SMARCC2: variants seen among roughly 807,000 people sequenced by gnomAD.
SMARCC2 encodes SWI/SNF related BAF chromatin remodeling complex subunit C2.
SMARCC2 carries 15 observed loss-of-function variants against 151.3 expected under a neutral mutation model. The ratio of observed to expected loss-of-function variants is 0.10; its 90% confidence interval spans 0.07 to 0.15. The LOEUF is 0.15. SMARCC2 is among the 10% of genes least tolerant of loss of function. The pLI is 1.00. For synonymous variants in SMARCC2, 590 were observed against 609.5 expected (o/e 0.97, Z 0.47); for missense variants, 1,031 against 1,599.7 (o/e 0.64, Z 6.06).
intron 5 of SMARCC2, 112 bp from the exon 6 acceptor site, chr12:56,184,356 G>C: frequency 1.4e-6 from 1 of 726,216 alleles, no homozygotes; most frequent in East Asian, 2.7e-5. Context: ...ATTAAAGTTA[G>C]TTTGTATTCT....
chr12:56,163,761 T>C lies in SMARCC2; in HGVS notation c.3666A>G (p.Pro1222=), dbSNP rs748104867. 9.3e-6 allele frequency: 14 copies of C among 1,511,686 alleles called. No homozygotes were observed. The highest frequency in any genetic ancestry group is 2.7e-5 in the Admixed American group (1 of 37,420). The allele number at this position is 1,511,686 out of a possible 1,614,324, so 93.6% of individuals were successfully genotyped here. Residue 1222 remains proline, a synonymous_variant, in exon 29 of 29, where the codon CCA becomes CCG. Transcript: ENST00000550164. ...TGGGGTCTGGAGGCAGGGGGGTGCC[T>C]GGGTCTGTGGAGAAAAGGAAGATAA... The part of the protein sequence containing the change: ...LLPSASPLPD[P]GTPLPPDPTA...
intron 12 of SMARCC2, 22 bp from the exon 13 acceptor site, chr12:56,178,869 G>A (rs757069904): frequency 2.3e-5 from 37 of 1,613,722 alleles, no homozygotes; most frequent in Non-Finnish European, 2.9e-5. Flanking sequence ...AAACCAAGAT[G>A]TAAGGCTGGA....
intron 25 of SMARCC2, 32 bp from the exon 26 acceptor site, chr12:56,168,226 T>C: frequency 6.2e-7 from 1 of 1,613,316 alleles, no homozygotes; most frequent in Non-Finnish European, 8.5e-7. Flanking sequence ...AGCACATCAG[T>C]GGGAGGACCC....
chr12:56,181,870 C>G (rs1429983364), intron 8 of SMARCC2, 35 bp from the exon 9 acceptor site: 2 of 1,613,934 alleles, frequency 1.2e-6, no homozygotes, highest in Non-Finnish European at 1.7e-6. Context: ...TGCAGAGAAG[C>G]CTGGAAGCCA....
intron 6 of SMARCC2, 71 bp downstream of exon 6, chr12:56,184,104 A>G: frequency 8.3e-7 from 1 of 1,212,032 alleles, no homozygotes; most frequent in Non-Finnish European, 1.2e-6. Flanking sequence ...CAGGTACTGA[A>G]TGGTGATCTT....
chr12:56,168,409 CTG>C (rs1873253612), intron 25 of SMARCC2, among the ~76,000 whole-genome samples: 1 of 150,770 alleles, frequency 6.6e-6, no homozygotes, highest in Non-Finnish European at 1.5e-5. Flanking sequence ...CAGTCTCACT[CTG>C]TTGCCCAGGC....
At chr12:56,175,017 A>AT (rs954964397) in intron 15 of SMARCC2, among the ~76,000 whole-genome samples, 31 of 148,374 alleles carry the variant, frequency 2.1e-4, no homozygotes, top group South Asian at 4.2e-4. Context: ...ATTTCATACA[A>AT]TTTTTTTTTT....
chr12:56,186,028 G>A, intron 3 of SMARCC2, 127 bp downstream of exon 3: 2 of 721,652 alleles, frequency 2.8e-6, no homozygotes, highest in East Asian at 2.5e-5. Context: ...GACGTAGTAA[G>A]TCAGGTCTAC....
Position 56,186,290 on chromosome 12 carries a change from C to A in SMARCC2, c.232-50G>T, listed in dbSNP as rs768296498. The A allele has an allele frequency of 1.2e-5, 13 of 1,066,120 alleles. No homozygotes were observed. The South Asian group carries it at 1.6e-4, about 13-fold the overall frequency. 66.0% of individuals were successfully genotyped at this position (1,066,120 alleles called of 1,614,324 possible). A position where few individuals can be genotyped will look rare whatever the true frequency, so the allele number is the denominator to read the frequency against. On this transcript the variant is annotated intron_variant, in intron 2 of 28. Transcript: ENST00000550164. ...GCATGTCAAGGTTCCACTGTAAATT[C>A]TCTCATCACTTAATAATCTAATAAT...
intron 3 of SMARCC2, chr12:56,185,448 G>T: frequency 3.8e-6 from 1 of 260,472 alleles, no homozygotes; most frequent in South Asian, 4.1e-5. Context: ...CTCCCAAAGT[G>T]CTGGGATTAC....
intron 19 of SMARCC2, 21 bp from the exon 20 acceptor site, chr12:56,172,511 G>C (rs935295339): frequency 1.2e-6 from 2 of 1,608,020 alleles, no homozygotes; most frequent in African/African-American, 1.3e-5. Flanking sequence ...AACACAGGCA[G>C]GTGAGAAGAA....
chr12:56,166,246 AT>A (rs1413521935), intron 26 of SMARCC2, among the ~76,000 whole-genome samples: 2 of 151,956 alleles, frequency 1.3e-5, no homozygotes, highest in Non-Finnish European at 2.9e-5. Context: ...GGTTCAAGCA[AT>A]TCTCCTGCCT....
At chr12:56,174,556 C>T (rs1874568948) in intron 16 of SMARCC2, 95 bp downstream of exon 16, 1 of 788,086 alleles carries the variant, frequency 1.3e-6, no homozygotes, top group Non-Finnish European at 2.2e-6. Context: ...TCTGTCTGCT[C>T]CTCTGTGTTC....
intron 15 of SMARCC2, among the ~76,000 whole-genome samples, chr12:56,175,940 C>T (rs1012318374): frequency 1.3e-5 from 2 of 151,978 alleles, no homozygotes; most frequent in African/African-American, 4.8e-5. Context: ...CTCACTGCAA[C>T]CTCCACCTCC....
rs986874327 is a variant in SMARCC2, at chr12:56,162,599, A to G, written c.*1090T>C. On this transcript the variant is annotated 3_prime_UTR_variant, in exon 29 of 29. Transcript: ENST00000550164. The stretch of plus-strand genomic sequence containing the variant: ...GGACACGTGGAGCAGGAATGCGGGA[A>G]GCAGAGTTGAGCTGCGAGCCAAGGG... 5.1e-6 allele frequency: 2 copies of G among 395,562 alleles called. No individual in the cohort carries two copies. Among genetic ancestry groups the G allele is most frequent in the Admixed American group, 8.5e-5 (2 of 23,512 alleles). 24.5% of individuals were successfully genotyped at this position (395,562 alleles called of 1,614,324 possible).
intron 28 of SMARCC2, among the ~76,000 whole-genome samples, chr12:56,164,090 G>A (rs180740759): frequency 6.6e-6 from 1 of 152,264 alleles, no homozygotes; most frequent in East Asian, 1.9e-4. Context: ...ACCAGTGAAA[G>A]GCCCCAACAT....
chr12:56,178,216 T>C (rs1045167064), intron 14 of SMARCC2, 123 bp from the exon 15 acceptor site: 3 of 944,954 alleles, frequency 3.2e-6, no homozygotes, highest in Non-Finnish European at 4.9e-6. Context: ...GTTAGAAGCT[T>C]GGGGAGAACA....
intron 5 of SMARCC2, 32 bp from the exon 6 acceptor site, chr12:56,184,276 T>C (rs1288952718): frequency 2.0e-6 from 3 of 1,520,228 alleles, no homozygotes; most frequent in African/African-American, 1.4e-5. Context: ...GGGTAAATTA[T>C]GGTCCCCTCT....
intron 15 of SMARCC2, among the ~76,000 whole-genome samples, chr12:56,176,803 G>A (rs1407132049): frequency 6.6e-6 from 1 of 151,610 alleles, no homozygotes; most frequent in Non-Finnish European, 1.5e-5. Context: ...ACCACGCCCG[G>A]CTAATTTTTT....
Sources: allele counts gnomAD v4.1 joint callset (sites outside exome capture counted in the v4.1 genomes callset), GRCh38; gene constraint gnomAD v4.1.1; transcripts MANE v1.5; gene names NCBI Gene and HGNC (gene_info 2026-07-23, HGNC 2026-07-21).